ZNF81: variants seen among roughly 807,000 people sequenced by gnomAD.
The protein encoded by ZNF81 is zinc finger protein 81 (HFZ20).
A neutral mutation model predicts 32.3 loss-of-function variants in ZNF81; 5 were observed. The ratio of observed to expected loss-of-function variants is 0.15; its 90% CI spans 0.08 to 0.33. ZNF81 has a LOEUF of 0.33. Ranked by LOEUF, ZNF81 falls within the 10% of genes least tolerant of loss-of-function variation. The pLI is 1.00. For missense variants in ZNF81, 379 were observed against 479.8 expected, an observed-to-expected ratio of 0.79 and a Z score of 1.96; for synonymous variants, 163 against 166.8, an observed-to-expected ratio of 0.98 and a Z score of 0.17.
chrX:47,858,854 G>A (rs1556882179), intron 2 of ZNF81, among the ~76,000 whole-genome samples: 1 of 111,502 alleles, frequency 9.0e-6, no homozygotes, highest in African/African-American at 3.3e-5. Context: ...ACTTTGGGAG[G>A]CCGAGGCAGG....
intron 4 of ZNF81, among the ~76,000 whole-genome samples, chrX:47,905,007 G>C (rs1556888887): frequency 9.2e-6 from 1 of 108,563 alleles, no homozygotes. Context: ...GGTGGGAGTT[G>C]AACAATGAGA....
At position 47,916,765 on chromosome X, in the gene ZNF81, A is replaced by C; in HGVS notation, c.*133A>C. The C allele has an allele frequency of 2.9e-6, 2 of 698,125 alleles. No homozygotes were observed. Among genetic ancestry groups the C allele is most frequent in the Non-Finnish European group, 3.9e-6 (2 of 509,397 alleles). The allele number at this position is 698,125 out of a possible 1,213,427, so 57.5% of individuals were successfully genotyped here. On this transcript the variant is annotated 3_prime_UTR_variant, in exon 5 of 5. Coordinates refer to ENST00000338637, the MANE Select transcript of ZNF81 (RefSeq NM_007137.5). The stretch of plus-strand genomic sequence containing the variant: ...ATAAGGAAAAGCATCAGGCTATCTC[A>C]CTTGAGATGGAAAAAAATTATTCAG...
chrX:47,876,132 T>C lies in ZNF81; in HGVS notation c.55-11867T>C, dbSNP rs781909828. On this transcript the variant is annotated intron_variant, in intron 2 of 4. Transcript: ENST00000338637. ...GGGAGCTAGGAGATAGGATTCTTGA[T>C]ATCTGTATTCAAAGAGATGGCTCAT... Among the ~76,000 whole-genome samples the C allele has an allele frequency of 5.3e-5, 6 of 112,451 alleles. No homozygotes were observed. The South Asian group carries it at 2.2e-3, about 42-fold the overall frequency.
intron 2 of ZNF81, 56 bp downstream of exon 2, chrX:47,846,377 A>G: frequency 1.7e-6 from 2 of 1,148,651 alleles, no homozygotes. Context: ...CCCTGAAGGA[A>G]AGATACTACC....
chrX:47,889,251 A>C (rs781794314), intron 3 of ZNF81, among the ~76,000 whole-genome samples: 1 of 112,414 alleles, frequency 8.9e-6, no homozygotes, highest in South Asian at 3.7e-4. Context: ...TCTCACTAGA[A>C]ATGCTTCCAG....
Position 47,916,557 on chromosome X carries a change from G to A in ZNF81, c.1911G>A (p.Pro637=), listed in dbSNP as rs663514. 12,634 of 1,200,666 alleles carry A rather than the reference G, an allele frequency of 0.011. 827 individuals carry two copies. In the African/African-American group the frequency reaches 0.19, roughly 18 times the overall value. Residue 637 remains proline, a synonymous_variant, in exon 5 of 5, where the codon CCG becomes CCA. Transcript: ENST00000338637. ...KHQTIHTGDK[P]YKCSDCGKGF... is the part of the protein sequence containing the mutation. Reference sequence around the variant, plus strand: ...AGACAATTCATACTGGAGATAAACCGTATAAATGCAGCGACTGTGGAAAGG... The same window carrying A: ...AGACAATTCATACTGGAGATAAACCATATAAATGCAGCGACTGTGGAAAGG...
In ZNF81 at chrX:47,850,347, TAAAAAA is replaced by T. The variant is rs146962959; in HGVS notation, c.54+4039_54+4044del. ...GGGCAACATAATGAGACCCATCTCT[TAAAAAA>T]AAAAAAAAAAAAGAAAGAAAAATTT... On this transcript the variant is annotated intron_variant, in intron 2 of 4. Coordinates refer to ENST00000338637, the MANE Select transcript of ZNF81 (RefSeq NM_007137.5). Among the ~76,000 whole-genome samples, 20 of 83,139 alleles carry T rather than the reference TAAAAAA, an allele frequency of 2.4e-4. 1 individual carries two copies. The highest frequency in any genetic ancestry group is 9.1e-4 in the African/African-American group (20 of 21,886). The allele number at this position is 83,139 out of a possible 115,157, so 72.2% of individuals were successfully genotyped here.
intron 1 of ZNF81, 27 bp from the exon 2 acceptor site, chrX:47,846,078 C>T: frequency 1.9e-6 from 1 of 525,151 alleles, no homozygotes; most frequent in Admixed American, 2.7e-5. Context: ...CTATCTGCCT[C>T]TGATCATATG....
In ZNF81 at chrX:47,924,851, A is replaced by G. The variant is rs1312361713; in HGVS notation, c.*8219A>G. Among the ~76,000 whole-genome samples the G allele has an allele frequency of 2.7e-5, 3 of 111,723 alleles. No individual in the cohort carries two copies. The highest frequency in any genetic ancestry group is 9.7e-5 in the African/African-American group (3 of 30,774). On this transcript the variant is annotated 3_prime_UTR_variant, in exon 5 of 5. Transcript: ENST00000338637. ...AGAAGAGGATGGACAATAAAACAAT[A>G]TAACATTATTTCCCTCACATCTTAA...
At chrX:47,849,201 C>T (rs190874501) in intron 2 of ZNF81, among the ~76,000 whole-genome samples, 6 of 111,413 alleles carry the variant, frequency 5.4e-5, no homozygotes, top group Non-Finnish European at 7.5e-5. Context: ...GTCTTAAAAA[C>T]GTTTTTATTG....
At chrX:47,880,645 A>G (rs1200986815) in intron 2 of ZNF81, among the ~76,000 whole-genome samples, 1 of 112,192 alleles carries the variant, frequency 8.9e-6, no homozygotes, top group East Asian at 2.8e-4. Flanking sequence ...TATAAAACTC[A>G]GTAATACCTC....
intron 3 of ZNF81, among the ~76,000 whole-genome samples, chrX:47,889,421 A>G (rs1490941427): frequency 8.0e-5 from 9 of 112,392 alleles, no homozygotes; most frequent in African/African-American, 2.6e-4. Context: ...TTCAGAAGCT[A>G]GTAGGGCTGC....
chrX:47,849,402 T>C (rs782793655), intron 2 of ZNF81, among the ~76,000 whole-genome samples: 2 of 111,668 alleles, frequency 1.8e-5, no homozygotes, highest in African/African-American at 6.5e-5. Context: ...GCGCGGTGGC[T>C]CACACCTGTA....
At chrX:47,912,500 C>T (rs2058742424) in intron 4 of ZNF81, among the ~76,000 whole-genome samples, 1 of 104,579 alleles carries the variant, frequency 9.6e-6, no homozygotes, top group African/African-American at 3.5e-5. Context: ...GTAATTCTCA[C>T]TCTGGGCAAG....
intron 2 of ZNF81, among the ~76,000 whole-genome samples, chrX:47,851,684 G>T (rs1556881251): frequency 8.9e-6 from 1 of 111,917 alleles, no homozygotes; most frequent in Non-Finnish European, 1.9e-5. Context: ...TTTTCTCTGT[G>T]CATTGTTTAT....
Position 47,918,573 on chromosome X carries a change from G to A in ZNF81, c.*1941G>A, listed in dbSNP as rs1358148406. 9.0e-6 allele frequency: 1 copy of A among 111,541 alleles called. No individual in the cohort carries two copies. Among genetic ancestry groups the A allele is most frequent in the African/African-American group, 3.3e-5 (1 of 30,616 alleles). The allele number at this position is 111,541 out of a possible 1,213,427, so 9.2% of individuals were successfully genotyped here. On this transcript the variant is annotated 3_prime_UTR_variant, in exon 5 of 5. Coordinates refer to ENST00000338637, the MANE Select transcript of ZNF81 (RefSeq NM_007137.5). ...AGTTTTACTAGTAAAACTACCTCCA[G>A]GTTGGACTTCCAGGGACTGAAACAG...
At chrX:47,911,141 A>T (rs1443467995) in intron 4 of ZNF81, among the ~76,000 whole-genome samples, 1 of 111,449 alleles carries the variant, frequency 9.0e-6, no homozygotes, top group African/African-American at 3.3e-5. Flanking sequence ...TATATAACAC[A>T]TGACCAATAA....
Position 47,919,211 on chromosome X carries a change from CT to C in ZNF81, c.*2580del, listed in dbSNP as rs2058767789. On this transcript the variant is annotated 3_prime_UTR_variant, in exon 5 of 5. Coordinates refer to ENST00000338637, the MANE Select transcript of ZNF81 (RefSeq NM_007137.5). The stretch of plus-strand genomic sequence containing the variant: ...ACACACTGTGTTAGGTAGAAAAATG[CT>C]ACAGATGTCTTCATCCCTGTATATG... 1 of 328,417 alleles carries C rather than the reference CT, an allele frequency of 3.0e-6. No homozygotes were observed. The highest frequency in any genetic ancestry group is 2.7e-5 in the African/African-American group (1 of 37,449). The allele number at this position is 328,417 out of a possible 1,213,427, so 27.1% of individuals were successfully genotyped here. A position where few individuals can be genotyped will look rare whatever the true frequency, so the allele number is the denominator to read the frequency against.
intron 2 of ZNF81, among the ~76,000 whole-genome samples, chrX:47,868,959 A>G (rs1272013290): frequency 1.9e-5 from 2 of 107,399 alleles, no homozygotes; most frequent in African/African-American, 3.4e-5. Context: ...GATCTCTCTT[A>G]TATACATCTT....
Sources: allele counts gnomAD v4.1 joint callset (sites outside exome capture counted in the v4.1 genomes callset), GRCh38; gene constraint gnomAD v4.1.1; transcripts MANE v1.5; gene names NCBI Gene and HGNC (gene_info 2026-07-23, HGNC 2026-07-21).